Variants in DYNLRB1 observed in about 807,000 individuals in gnomAD.
DYNLRB1 encodes the protein ROBL/LC7-like 1.
Under a neutral mutation model 13.5 loss-of-function variants are expected in DYNLRB1, and 6 were observed. The observed-to-expected ratio is 0.44, with a 90% CI of 0.24 to 0.88. The LOEUF is 0.88. DYNLRB1 is among the 40% of genes least tolerant of loss of function. The probability of loss-of-function intolerance (pLI) is 0.21; values close to 1 mark genes in which losing one functional copy is unlikely to be tolerated. For missense variants in DYNLRB1, 93 were observed against 127.2 expected, an observed-to-expected ratio of 0.73 and a Z score of 1.29; for synonymous variants, 43 against 45.0, an observed-to-expected ratio of 0.96 and a Z score of 0.18.
chr20:34,528,267 C>G (rs1302643931), intron 2 of DYNLRB1, among the ~76,000 whole-genome samples: 1 of 37,026 alleles, frequency 2.7e-5, no homozygotes, highest in African/African-American at 1.1e-4. Context: ...AGCCGAGATC[C>G]CGCCACTGCA....
chr20:34,528,311 CAAAAAAAAAAAAAAAAAAA>C lies in DYNLRB1; in HGVS notation c.79+1983_79+2001del, dbSNP rs59104612. On this transcript the variant is annotated intron_variant, in intron 2 of 3. Coordinates refer to ENST00000357156, the MANE Select transcript of DYNLRB1 (RefSeq NM_014183.4). ...TGGGCGACAGAGCGAGACTCCGTCT[CAAAAAAAAAAAAAAAAAAA>C]AAAAAAAAAAAAAACTACCCTACTG... 3.8e-4 allele frequency among the ~76,000 whole-genome samples: 2 copies of C among 5,204 alleles called. 1 individual carries two copies. Among genetic ancestry groups the C allele is most frequent in the Non-Finnish European group, 5.9e-4 (2 of 3,406 alleles). The allele number at this position is 5,204 out of a possible 152,430, so 3.4% of individuals were successfully genotyped here.
intron 1 of DYNLRB1, among the ~76,000 whole-genome samples, chr20:34,517,714 C>T (rs554569685): frequency 2.2e-4 from 33 of 151,128 alleles, no homozygotes; most frequent in African/African-American, 6.8e-4. Flanking sequence ...CTGCCACCTC[C>T]GCCTCCCAGG....
At position 34,528,507 on chromosome 20, in the gene DYNLRB1, C is replaced by T. The variant is rs1383652367; in HGVS notation, c.79+2164C>T. On this transcript the variant is annotated intron_variant, in intron 2 of 3. Coordinates refer to ENST00000357156, the MANE Select transcript of DYNLRB1 (RefSeq NM_014183.4). ...TGTTCCCGTGTCATTCACCACAGGC[C>T]GCAGAGTCAGGTCAGTGAACGTTAA... is the stretch of plus-strand genomic sequence containing the variant. Among the ~76,000 whole-genome samples, 7 of 152,058 alleles carry T rather than the reference C, an allele frequency of 4.6e-5. No homozygotes were observed. The East Asian group carries it at 9.7e-4, about 21-fold the overall frequency.
At chr20:34,529,251 C>T (rs1980508842) in intron 2 of DYNLRB1, among the ~76,000 whole-genome samples, 2 of 152,218 alleles carry the variant, frequency 1.3e-5, no homozygotes, top group South Asian at 2.1e-4. Context: ...TTGCGGGGCC[C>T]CCCAAATTCT....
chr20:34,519,488 C>T (rs1488305620), intron 1 of DYNLRB1, among the ~76,000 whole-genome samples: 1 of 152,170 alleles, frequency 6.6e-6, no homozygotes, highest in Non-Finnish European at 1.5e-5. Flanking sequence ...CACCACTGCA[C>T]TCCACCCTGG....
chr20:34,538,720 C>A (rs114428661), intron 3 of DYNLRB1, among the ~76,000 whole-genome samples: 1 of 152,274 alleles, frequency 6.6e-6, no homozygotes, highest in African/African-American at 2.4e-5. Context: ...CACTTCATTT[C>A]TGTTTCTTCC....
At position 34,540,709 on chromosome 20, in the gene DYNLRB1, T is replaced by C. The variant is rs1412565470; in HGVS notation, c.*85T>C. The C allele has an allele frequency of 4.9e-6, 7 of 1,435,144 alleles. No homozygotes were observed. In the Admixed American group the frequency reaches 1.1e-4, roughly 22 times the overall value. 88.9% of individuals were successfully genotyped at this position (1,435,144 alleles called of 1,614,324 possible). On this transcript the variant is annotated 3_prime_UTR_variant, in exon 4 of 4. Coordinates refer to ENST00000357156, the MANE Select transcript of DYNLRB1 (RefSeq NM_014183.4). The stretch of plus-strand genomic sequence containing the variant: ...TCAATCATGTCAGTGGACTAGCACA[T>C]GGCAGTCGCTTGGAACCCACTCACA...
chr20:34,516,517 CT>C, intron 1 of DYNLRB1, 56 bp downstream of exon 1: 10 of 1,606,668 alleles, frequency 6.2e-6, no homozygotes, highest in Non-Finnish European at 8.5e-6. Flanking sequence ...CACGCCAGGC[CT>C]TCAGTCTTCC....
At chr20:34,524,761 T>C (rs1173727193) in intron 1 of DYNLRB1, among the ~76,000 whole-genome samples, 1 of 150,828 alleles carries the variant, frequency 6.6e-6, no homozygotes, top group Non-Finnish European at 1.5e-5. Flanking sequence ...GGAGTCCCAG[T>C]CGCCCATGCT....
chr20:34,520,424 C>T (rs368133378), intron 1 of DYNLRB1, among the ~76,000 whole-genome samples: 2 of 152,104 alleles, frequency 1.3e-5, no homozygotes, highest in African/African-American at 4.8e-5. Flanking sequence ...TACCTGTGTA[C>T]ATTTGGGTTG....
chr20:34,521,925 G>A (rs1297710231), intron 1 of DYNLRB1, among the ~76,000 whole-genome samples: 5 of 152,016 alleles, frequency 3.3e-5, no homozygotes, highest in African/African-American at 7.2e-5. Flanking sequence ...GTAGTCCCAC[G>A]TGTTCGGGAG....
At chr20:34,534,569 G>T (rs1397867736) in intron 2 of DYNLRB1, 59 bp from the exon 3 acceptor site, 12 of 1,513,574 alleles carry the variant, frequency 7.9e-6, no homozygotes, top group African/African-American at 4.2e-5. Flanking sequence ...AGGGGTGTGG[G>T]TGGGAGCTCG....
At chr20:34,516,421 T>G (rs748171907), upstream of DYNLRB1, 3 of 1,612,250 alleles carry the variant, frequency 1.9e-6, no homozygotes, top group Non-Finnish European at 2.5e-6. Flanking sequence ...CAGGACTCGC[T>G]AAGTGTTCGC....
Position 34,526,273 on chromosome 20 carries a change from G to T in DYNLRB1, c.9G>T (p.Glu3Asp), listed in dbSNP as rs1358858030. ...TTGGTCTTGTTTTCTGGCAGGCAGAGGTGGAGGAGACACTGAAGCGACTGC... is the reference window on the plus strand; with the variant it reads ...TTGGTCTTGTTTTCTGGCAGGCAGATGTGGAGGAGACACTGAAGCGACTGC... MA[E>D]VEETLKRLQS... The change falls in exon 2 of 4, where the codon GAG becomes GAT. Residue 3 changes from glutamate (E) to aspartate (D), a missense_variant. Coordinates refer to ENST00000357156, the MANE Select transcript of DYNLRB1 (RefSeq NM_014183.4). The T allele has an allele frequency of 6.2e-7, 1 of 1,614,038 alleles. No homozygotes were observed. Among genetic ancestry groups the T allele is most frequent in the Non-Finnish European group, 8.5e-7 (1 of 1,180,032 alleles).
chr20:34,521,129 C>G (rs891044797), intron 1 of DYNLRB1, among the ~76,000 whole-genome samples: 2 of 152,194 alleles, frequency 1.3e-5, no homozygotes, highest in Non-Finnish European at 2.9e-5. Flanking sequence ...TTTCCTGCCT[C>G]AGCCTCCTGA....
chr20:34,531,673 T>G (rs1251156806), intron 2 of DYNLRB1, among the ~76,000 whole-genome samples: 1 of 152,192 alleles, frequency 6.6e-6, no homozygotes, highest in East Asian at 1.9e-4. Flanking sequence ...TAATGCTGTC[T>G]CTCTAGGGAC....
At chr20:34,521,545 A>ATCTAGAGC (rs1302423189) in intron 1 of DYNLRB1, among the ~76,000 whole-genome samples, 1 of 152,044 alleles carries the variant, frequency 6.6e-6, no homozygotes, top group Non-Finnish European at 1.5e-5. Context: ...TAGTGGTCAA[A>ATCTAGAGC]TTGGTCATAG....
intron 1 of DYNLRB1, among the ~76,000 whole-genome samples, chr20:34,519,122 A>G (rs1979507340): frequency 6.6e-6 from 1 of 151,992 alleles, no homozygotes; most frequent in African/African-American, 2.4e-5. Context: ...GGGTTTCACC[A>G]TGTTGACCAG....
intron 1 of DYNLRB1, among the ~76,000 whole-genome samples, chr20:34,524,579 G>T (rs1289540900): frequency 6.6e-6 from 1 of 152,140 alleles, no homozygotes; most frequent in Non-Finnish European, 1.5e-5. Flanking sequence ...AATAGCCGTT[G>T]GCATACAGTA....
Sources: gnomAD v4.1 joint callset for allele counts (sites outside exome capture counted in the v4.1 genomes callset) on GRCh38, gnomAD v4.1.1 for gene constraint, MANE v1.5 for transcripts, NCBI Gene and HGNC (gene_info 2026-07-23, HGNC 2026-07-21) for gene names.